The following OPCML variants were observed in gnomAD, a reference collection of about 807,000 sequenced individuals.
OPCML encodes opioid-binding protein/cell adhesion molecule.
A neutral mutation model predicts 37.8 loss-of-function variants in OPCML; 13 were observed. The observed-to-expected ratio is 0.34, with a 90% CI of 0.22 to 0.55. The LOEUF is 0.55. Ranked by LOEUF, OPCML falls within the 20% of genes least tolerant of loss-of-function variation. OPCML has a pLI of 0.91. For synonymous variants in OPCML, 176 were observed against 168.8 expected (o/e 1.04, Z -0.33); for missense variants, 341 against 435.6 (o/e 0.78, Z 1.93).
At chr11:133,282,713 A>G (rs550924280) in intron 1 of OPCML, among the ~76,000 whole-genome samples, 1 of 152,312 alleles carries the variant, frequency 6.6e-6, no homozygotes, top group South Asian at 2.1e-4. Flanking sequence ...ATAGGCACTC[A>G]ACTCCAACCT....
intron 1 of OPCML, among the ~76,000 whole-genome samples, chr11:133,056,358 A>G (rs1382727603): frequency 1.3e-5 from 2 of 152,220 alleles, no homozygotes; most frequent in Non-Finnish European, 2.9e-5. Context: ...ATCTGAATCC[A>G]TACCTGCTTA....
At chr11:133,122,122 G>A (rs1401681489) in intron 1 of OPCML, among the ~76,000 whole-genome samples, 1 of 152,160 alleles carries the variant, frequency 6.6e-6, no homozygotes, top group Non-Finnish European at 1.5e-5. Context: ...TGTTGTTCCT[G>A]GTAATAGTAG....
At chr11:132,467,963 C>T (rs1326518522) in intron 4 of OPCML, among the ~76,000 whole-genome samples, 1 of 152,162 alleles carries the variant, frequency 6.6e-6, no homozygotes, top group Non-Finnish European at 1.5e-5. Flanking sequence ...TTCAAGGAGG[C>T]TGTTGACATC....
intron 1 of OPCML, among the ~76,000 whole-genome samples, chr11:133,095,277 G>GTTTTTT (rs60154725): frequency 2.3e-5 from 1 of 44,202 alleles, no homozygotes; most frequent in Non-Finnish European, 4.0e-5. Flanking sequence ...TAATGTAAAT[G>GTTTTTT]TTTTTTTTTT....
chr11:133,233,752 C>T (rs1172893273), intron 1 of OPCML, among the ~76,000 whole-genome samples: 2 of 152,134 alleles, frequency 1.3e-5, no homozygotes. Context: ...AAATGTCTAA[C>T]CTCCAATAAA....
chr11:133,312,807 G>C (rs1943096697), intron 1 of OPCML, among the ~76,000 whole-genome samples: 1 of 152,136 alleles, frequency 6.6e-6, no homozygotes, highest in Non-Finnish European at 1.5e-5. Flanking sequence ...ATGATAAAAA[G>C]TAATATAAAC....
chr11:133,328,169 T>C (rs1194461139), intron 1 of OPCML, among the ~76,000 whole-genome samples: 1 of 151,352 alleles, frequency 6.6e-6, no homozygotes, highest in Admixed American at 6.6e-5. Flanking sequence ...TTTTTTTTTT[T>C]TTTTTTGAGA....
At position 133,400,561 on chromosome 11, in the gene OPCML, G is replaced by A. The variant is rs187784849; in HGVS notation, c.61+131703C>T. The stretch of plus-strand genomic sequence containing the variant: ...CTGGAGGTAGATGGTGATAATGGTT[G>A]TACAATGAGAATTTTCTTAATGCCA... On this transcript the variant is annotated intron_variant, in intron 1 of 7. Coordinates refer to ENST00000524381, the MANE Select transcript of OPCML (RefSeq NM_001012393.5). Among the ~76,000 whole-genome samples, 445 of 152,248 alleles carry A rather than the reference G, an allele frequency of 2.9e-3. 1 individual carries two copies. Among genetic ancestry groups the A allele is most frequent in the African/African-American group, 0.01 (429 of 41,544 alleles).
chr11:132,754,084 G>C lies in OPCML; in HGVS notation c.147-96765C>G, dbSNP rs140358860. The stretch of plus-strand genomic sequence containing the variant: ...AGAGTGCCAGCTCCACTAAGGGAAG[G>C]GAAGCCAGCAGGGTGCAGCTGCAGG... On this transcript the variant is annotated intron_variant, in intron 2 of 7. Coordinates refer to ENST00000524381, the MANE Select transcript of OPCML (RefSeq NM_001012393.5). Among the ~76,000 whole-genome samples the C allele has an allele frequency of 6.5e-4, 99 of 152,316 alleles. 1 individual carries two copies. The East Asian group carries it at 0.019, about 29-fold the overall frequency.
chr11:133,443,837 C>T (rs1000234294), intron 1 of OPCML, among the ~76,000 whole-genome samples: 1 of 152,036 alleles, frequency 6.6e-6, no homozygotes, highest in African/African-American at 2.4e-5. Context: ...GACTGGATAC[C>T]TTGGCTGACT....
intron 2 of OPCML, among the ~76,000 whole-genome samples, chr11:132,844,229 G>T (rs1168649191): frequency 6.6e-6 from 1 of 152,202 alleles, no homozygotes; most frequent in Non-Finnish European, 1.5e-5. Flanking sequence ...CCAGTCTCGG[G>T]TATGTCTTTA....
At chr11:133,358,905 G>A (rs1944352711) in intron 1 of OPCML, among the ~76,000 whole-genome samples, 1 of 152,068 alleles carries the variant, frequency 6.6e-6, no homozygotes, top group African/African-American at 2.4e-5. Flanking sequence ...GTGTCTGATG[G>A]GTTTACAGAG....
chr11:132,573,613 T>C (rs1361813396), intron 3 of OPCML, among the ~76,000 whole-genome samples: 1 of 152,050 alleles, frequency 6.6e-6, no homozygotes, highest in South Asian at 2.1e-4. Flanking sequence ...GCTTTGAATA[T>C]GCTGTCCAAT....
chr11:132,931,366 CAA>C (rs1358982647), intron 2 of OPCML, among the ~76,000 whole-genome samples: 1 of 152,036 alleles, frequency 6.6e-6, no homozygotes, highest in Non-Finnish European at 1.5e-5. Flanking sequence ...AAGACACTAT[CAA>C]AAGAGTAATA....
chr11:133,024,569 C>T, intron 1 of OPCML: 36 of 985,322 alleles, frequency 3.7e-5, no homozygotes, highest in Non-Finnish European at 4.3e-5. Flanking sequence ...CAACAAAGAA[C>T]TACACAGGGA....
At chr11:132,659,704 C>CTGTGTGTGTGTG (rs58318033) in intron 2 of OPCML, among the ~76,000 whole-genome samples, 2 of 147,232 alleles carry the variant, frequency 1.4e-5, no homozygotes, top group African/African-American at 5.0e-5. Flanking sequence ...CACAAAATTC[C>CTGTGTGTGTGTG]TGTGTGTGTG....
rs1189338308 is a variant in OPCML, at chr11:133,212,292, C to A, written c.62-269282G>T. Among the ~76,000 whole-genome samples the A allele has an allele frequency of 6.6e-6, 1 of 152,172 alleles. No individual in the cohort carries two copies. Among genetic ancestry groups the A allele is most frequent in the African/African-American group, 2.4e-5 (1 of 41,438 alleles). ...GTCCGTGACAGCCTACACAGCTGGG[C>A]ATCATCTACCGCCCTGCTTCCCATT... is the stretch of plus-strand genomic sequence containing the variant. On this transcript the variant is annotated intron_variant, in intron 1 of 7. Coordinates refer to ENST00000524381, the MANE Select transcript of OPCML (RefSeq NM_001012393.5). This position sits in a 1 kb window ranked among gnomAD's most constrained non-coding sequence, Gnocchi z 4.9.
intron 1 of OPCML, among the ~76,000 whole-genome samples, chr11:133,419,048 G>A (rs1023792355): frequency 6.6e-6 from 1 of 152,088 alleles, no homozygotes; most frequent in Non-Finnish European, 1.5e-5. Flanking sequence ...CTAGCCCCCT[G>A]CCCACCAAAC....
chr11:132,765,682 T>C (rs1035276056), intron 2 of OPCML, among the ~76,000 whole-genome samples: 6 of 152,242 alleles, frequency 3.9e-5, no homozygotes, highest in Non-Finnish European at 5.9e-5. Context: ...ATGAGTGTGA[T>C]GGTGATGGCA....
Sources: gnomAD v4.1 joint callset for allele counts (sites outside exome capture counted in the v4.1 genomes callset) on GRCh38, gnomAD v4.1.1 for gene constraint, Gnocchi (gnomAD v3.1) non-coding constraint, MANE v1.5 for transcripts, NCBI Gene and HGNC (gene_info 2026-07-23, HGNC 2026-07-21) for gene names.